The following SLC9C1 variants were observed in gnomAD, a reference collection of about 807,000 sequenced individuals.
SLC9C1 encodes sodium/hydrogen exchanger 10.
Under a neutral mutation model 140.9 loss-of-function variants are expected in SLC9C1, and 97 were observed. The observed-to-expected ratio is 0.69, with a 90% confidence interval of 0.58 to 0.82. SLC9C1 has a LOEUF of 0.82. Ranked by LOEUF, SLC9C1 falls within the 40% of genes least tolerant of loss-of-function variation. The pLI, the probability that SLC9C1 is intolerant of heterozygous loss-of-function variation, is 0.00. For missense variants in SLC9C1, 1,340 were observed against 1,389.3 expected, an observed-to-expected ratio of 0.96 and a Z score of 0.56; for synonymous variants, 440 against 442.6, an observed-to-expected ratio of 0.99 and a Z score of 0.07.
At chr3:112,218,205 C>T in intron 14 of SLC9C1, among the ~76,000 whole-genome samples, 1 of 147,674 alleles carries the variant, frequency 6.8e-6, no homozygotes, top group Non-Finnish European at 1.5e-5. Flanking sequence ...TGAGACAGCT[C>T]AGATCCGTGT....
intron 17 of SLC9C1, among the ~76,000 whole-genome samples, chr3:112,202,968 A>G (rs994885465): frequency 2.6e-5 from 4 of 151,940 alleles, no homozygotes; most frequent in Middle Eastern, 3.4e-3. Context: ...ATGTTCCACA[A>G]CCTCCATACT....
chr3:112,186,075 C>G (rs1254514162), intron 20 of SLC9C1: 1 of 1,097,226 alleles, frequency 9.1e-7, no homozygotes, highest in Non-Finnish European at 1.3e-6. Context: ...AATCTTTTGC[C>G]CATTAAAAAA....
At chr3:112,147,204 C>T (rs752784665) in intron 28 of SLC9C1, among the ~76,000 whole-genome samples, 6 of 152,232 alleles carry the variant, frequency 3.9e-5, no homozygotes, top group East Asian at 1.9e-4. Flanking sequence ...GTGTGAGATG[C>T]GTTTCTTGAA....
At chr3:112,147,579 T>C in intron 28 of SLC9C1, 1 of 361,764 alleles carries the variant, frequency 2.8e-6, no homozygotes. Flanking sequence ...GGTTGGAATT[T>C]TCTTTCTTTC....
chr3:112,225,948 G>T (rs2078671571), intron 13 of SLC9C1, among the ~76,000 whole-genome samples: 1 of 152,106 alleles, frequency 6.6e-6, no homozygotes, highest in African/African-American at 2.4e-5. Context: ...GGGAGAGAAA[G>T]ACTCCAATAC....
intron 8 of SLC9C1, among the ~76,000 whole-genome samples, chr3:112,265,434 AT>A (rs2079890377): frequency 6.6e-6 from 1 of 152,086 alleles, no homozygotes; most frequent in Non-Finnish European, 1.5e-5. Flanking sequence ...TTGGCATGGA[AT>A]TTTATTGAAG....
chr3:112,161,759 T>A (rs1183547689), intron 26 of SLC9C1, among the ~76,000 whole-genome samples: 1 of 151,778 alleles, frequency 6.6e-6, no homozygotes, highest in Non-Finnish European at 1.5e-5. Context: ...TGCGGGCTCT[T>A]TTTTGGTTCC....
Position 112,202,280 on chromosome 3 carries a change from A to G in SLC9C1, c.2292T>C (p.Asp764=). ...TAATCTGTTTAGAACTTGTAATCTG[A>G]TCAATTATGGTCATTATGTCTGCTT... is the stretch of plus-strand genomic sequence containing the variant. ...QGEADIMTII[D]QITSSKQIKQ... The change falls in exon 18 of 29, where the codon GAT becomes GAC. Residue 764 remains aspartate, a synonymous_variant. Transcript: ENST00000305815. The G allele has an allele frequency of 6.2e-7, 1 of 1,611,236 alleles. No individual in the cohort carries two copies. Among genetic ancestry groups the G allele is most frequent in the Non-Finnish European group, 8.5e-7 (1 of 1,178,842 alleles).
At chr3:112,214,944 G>A (rs927056337) in intron 15 of SLC9C1, among the ~76,000 whole-genome samples, 8 of 152,204 alleles carry the variant, frequency 5.3e-5, no homozygotes, top group South Asian at 2.1e-4. Flanking sequence ...GATGAACATC[G>A]ATGCAAAAAT....
intron 11 of SLC9C1, among the ~76,000 whole-genome samples, chr3:112,242,446 G>A (rs2079161603): frequency 6.6e-6 from 1 of 152,120 alleles, no homozygotes; most frequent in Non-Finnish European, 1.5e-5. Context: ...AACTTTGCAT[G>A]TTCTCACTTA....
chr3:112,227,449 C>A (rs1016993457), intron 13 of SLC9C1, among the ~76,000 whole-genome samples: 5 of 152,056 alleles, frequency 3.3e-5, no homozygotes, highest in African/African-American at 1.2e-4. Flanking sequence ...CACAAATCAA[C>A]ACACGTAAGA....
intron 23 of SLC9C1, among the ~76,000 whole-genome samples, chr3:112,177,589 G>A (rs2077363403): frequency 6.7e-6 from 1 of 149,860 alleles, no homozygotes; most frequent in South Asian, 2.2e-4. Flanking sequence ...CTAAGCAGAG[G>A]ATCGGGGTGA....
intron 15 of SLC9C1, among the ~76,000 whole-genome samples, chr3:112,212,687 C>T (rs2078243089): frequency 6.6e-6 from 1 of 152,040 alleles, no homozygotes; most frequent in Admixed American, 6.6e-5. Flanking sequence ...ATAAAGCCTC[C>T]AAGAAATATG....
At chr3:112,161,275 T>G (rs1576232989) in intron 26 of SLC9C1, among the ~76,000 whole-genome samples, 1 of 152,362 alleles carries the variant, frequency 6.6e-6, no homozygotes, top group Non-Finnish European at 1.5e-5. Context: ...TTTAGTTTAA[T>G]TAGATCCCAT....
In SLC9C1 at chr3:112,217,494, GT is replaced by G. The variant is rs769928785; in HGVS notation, c.1737del (p.Lys579AsnfsTer29). 14 of 1,610,028 alleles carry G rather than the reference GT, an allele frequency of 8.7e-6. No individual in the cohort carries two copies. Among genetic ancestry groups the G allele is most frequent in the Non-Finnish European group, 1.1e-5 (13 of 1,178,618 alleles). ...ESQKTVTFAR[K>X]LLLNWVYNTR... ...GTATTATACACCCAATTAAGTAGTA[GT>G]TTTCTAGCAAAGGTAACTGTTTTTT... On this transcript the variant is annotated frameshift_variant, in exon 15 of 29. Transcript: ENST00000305815. LOFTEE classifies it high-confidence loss of function.
intron 15 of SLC9C1, among the ~76,000 whole-genome samples, chr3:112,216,131 G>A (rs1160228226): frequency 1.3e-5 from 2 of 152,162 alleles, no homozygotes. Context: ...AATAAATGGT[G>A]CTGGGAAAAC....
Position 112,167,340 on chromosome 3 carries a change from C to A in SLC9C1, c.3245G>T (p.Ser1082Ile). 1 of 1,588,278 alleles carries A rather than the reference C, an allele frequency of 6.3e-7. No homozygotes were observed. The highest frequency in any genetic ancestry group is 1.8e-5 in the Admixed American group (1 of 54,870). ...LIPITCHQIQ[S>I]IEDFTKVVII... ...CACTACTTTTGTGAAATCTTCAATA[C>A]TTTGTATCTGAAAGTTGACAGAATG... Residue 1082 changes from serine (S) to isoleucine (I), a missense_variant, in exon 26 of 29, where the codon AGT (serine) becomes ATT (isoleucine). Ser to Ile is a moderately radical substitution (Grantham distance 142). Coordinates refer to ENST00000305815, the MANE Select transcript of SLC9C1 (RefSeq NM_183061.3).
chr3:112,186,828 G>C (rs1207548929), intron 20 of SLC9C1, among the ~76,000 whole-genome samples: 2 of 152,142 alleles, frequency 1.3e-5, no homozygotes, highest in Non-Finnish European at 1.5e-5. Flanking sequence ...AGTGACAAAG[G>C]CTCCAGCACA....
intron 26 of SLC9C1, among the ~76,000 whole-genome samples, chr3:112,160,043 A>T (rs1384665004): frequency 6.6e-6 from 1 of 151,588 alleles, no homozygotes; most frequent in Non-Finnish European, 1.5e-5. Context: ...TTAATTGGAG[A>T]ATGTAGTCCA....
Sources: allele counts gnomAD v4.1 joint callset (sites outside exome capture counted in the v4.1 genomes callset), GRCh38; gene constraint gnomAD v4.1.1; transcripts MANE v1.5; gene names NCBI Gene and HGNC (gene_info 2026-07-23, HGNC 2026-07-21).